The following WDR7 variants were observed in gnomAD, a reference collection of about 807,000 sequenced individuals.
WDR7 encodes WD repeat domain 7.
A neutral mutation model predicts 169.4 loss-of-function variants in WDR7; 46 were observed. The ratio of observed to expected loss-of-function variants is 0.27; its 90% CI spans 0.21 to 0.35. WDR7 has a LOEUF of 0.35. Ranked by LOEUF, WDR7 falls within the 10% of genes least tolerant of loss-of-function variation. WDR7 has a pLI of 1.00. For missense variants in WDR7, 1,534 were observed against 1,859.3 expected (o/e 0.83, Z 3.22); for synonymous variants, 612 against 666.8 (o/e 0.92, Z 1.27).
chr18:56,975,054 A>G (rs1187091613), intron 26 of WDR7, among the ~76,000 whole-genome samples: 2 of 152,122 alleles, frequency 1.3e-5, no homozygotes, highest in African/African-American at 4.8e-5. Flanking sequence ...CCTGGCTAAC[A>G]TGGTGAAACC....
At chr18:56,814,568 G>A (rs1412551834) in intron 19 of WDR7, among the ~76,000 whole-genome samples, 1 of 151,950 alleles carries the variant, frequency 6.6e-6, no homozygotes, top group Non-Finnish European at 1.5e-5. Context: ...CTAACAAAGT[G>A]CTTCTGTAAG....
intron 19 of WDR7, among the ~76,000 whole-genome samples, chr18:56,809,246 A>G (rs1214431093): frequency 1.3e-5 from 2 of 151,974 alleles, no homozygotes; most frequent in Non-Finnish European, 2.9e-5. Flanking sequence ...TTTTTATTAT[A>G]TCTCTTTACT....
intron 26 of WDR7, among the ~76,000 whole-genome samples, chr18:56,977,406 T>A (rs1293659153): frequency 6.6e-6 from 1 of 152,214 alleles, no homozygotes; most frequent in East Asian, 1.9e-4. Context: ...CTCTGATCCA[T>A]TCTGGCATCC....
chr18:56,929,105 GA>G (rs1475853616), intron 22 of WDR7, among the ~76,000 whole-genome samples: 14 of 152,012 alleles, frequency 9.2e-5, no homozygotes, highest in Admixed American at 7.2e-4. Flanking sequence ...AACATAGTGA[GA>G]ACCTGTCTCT....
chr18:56,798,585 A>T (rs1178993024), intron 19 of WDR7, among the ~76,000 whole-genome samples: 2 of 152,220 alleles, frequency 1.3e-5, no homozygotes, highest in Admixed American at 1.3e-4. Context: ...CTTTTCTCCA[A>T]TTACATTTCT....
At chr18:56,746,247 ATCTC>A (rs1328520847) in intron 14 of WDR7, among the ~76,000 whole-genome samples, 2 of 152,094 alleles carry the variant, frequency 1.3e-5, no homozygotes, top group African/African-American at 2.4e-5. Flanking sequence ...TCTTCCACTG[ATCTC>A]TCTCTTATTT....
Position 56,679,245 on chromosome 18 carries a change from TCTATTTTA to T in WDR7, c.160-82_160-75del. ...AAAATCTTAGCAGTCTACCTAGTCT[TCTATTTTA>T]CTATGGCTAAGCTGACACTCAAATA... On this transcript the variant is annotated intron_variant, in intron 2 of 27. Transcript: ENST00000254442. 3 of 1,075,066 alleles carry T rather than the reference TCTATTTTA, an allele frequency of 2.8e-6. 1 individual carries two copies. In the South Asian group the frequency reaches 4.8e-5, roughly 17 times the overall value. The allele number at this position is 1,075,066 out of a possible 1,614,324, so 66.6% of individuals were successfully genotyped here.
intron 12 of WDR7, among the ~76,000 whole-genome samples, chr18:56,712,184 G>C (rs1035323950): frequency 1.3e-5 from 2 of 152,216 alleles, no homozygotes; most frequent in Non-Finnish European, 2.9e-5. Context: ...TCCCCAGAGA[G>C]CTAGTGGATG....
At chr18:56,881,066 G>A (rs1374817330) in intron 21 of WDR7, among the ~76,000 whole-genome samples, 1 of 152,126 alleles carries the variant, frequency 6.6e-6, no homozygotes, top group Admixed American at 6.5e-5. Flanking sequence ...ATGTTACTTT[G>A]TTATTTATGA....
chr18:57,021,310 A>T (rs1417306846), intron 27 of WDR7, among the ~76,000 whole-genome samples: 1 of 152,184 alleles, frequency 6.6e-6, no homozygotes, highest in Non-Finnish European at 1.5e-5. Flanking sequence ...GCCTGGCCTG[A>T]GAGGAATCGG....
chr18:56,816,221 G>A (rs1265441422), intron 20 of WDR7, 77 bp downstream of exon 20: 19 of 1,294,000 alleles, frequency 1.5e-5, no homozygotes, highest in Non-Finnish European at 2.0e-5. Context: ...ATTTGTGGTG[G>A]GATTAAGTAT....
chr18:56,943,995 T>G (rs1191244174), intron 25 of WDR7, among the ~76,000 whole-genome samples: 1 of 137,500 alleles, frequency 7.3e-6, no homozygotes, highest in Non-Finnish European at 1.6e-5. Context: ...TTTTTTTTTT[T>G]TTTTTTTTTT....
rs2045151435 is a variant in WDR7, at chr18:56,823,949, CTG to C, written c.3304+7806_3304+7807del. Among the ~76,000 whole-genome samples, 4 of 152,270 alleles carry C rather than the reference CTG, an allele frequency of 2.6e-5. 1 individual carries two copies. In the South Asian group the frequency reaches 8.3e-4, roughly 32 times the overall value. On this transcript the variant is annotated intron_variant, in intron 20 of 27. Coordinates refer to ENST00000254442, the MANE Select transcript of WDR7 (RefSeq NM_015285.3). ...CATCCAGATCATGTCTTCCATGACTCTGAGAGTTTAAGAAGCCAGTTCATCAC... is the reference window on the plus strand; with the variant it reads ...CATCCAGATCATGTCTTCCATGACTCAGAGTTTAAGAAGCCAGTTCATCAC...
intron 21 of WDR7, among the ~76,000 whole-genome samples, chr18:56,912,165 T>G (rs1406175004): frequency 6.6e-6 from 1 of 152,108 alleles, no homozygotes; most frequent in East Asian, 1.9e-4. Flanking sequence ...TTAGGTGAGT[T>G]TTATCCCTGG....
chr18:56,771,711 A>G (rs527549842), intron 16 of WDR7, among the ~76,000 whole-genome samples: 2 of 151,924 alleles, frequency 1.3e-5, no homozygotes, highest in East Asian at 1.9e-4. Flanking sequence ...GAGAAACCCC[A>G]TCTCTACTAG....
intron 26 of WDR7, among the ~76,000 whole-genome samples, chr18:56,974,080 T>G (rs975686249): frequency 2.0e-5 from 3 of 152,212 alleles, no homozygotes; most frequent in Admixed American, 6.5e-5. Context: ...CCATTTTCTG[T>G]TTAAGTGCAC....
At chr18:56,834,694 A>G (rs1269109341) in intron 20 of WDR7, among the ~76,000 whole-genome samples, 1 of 152,026 alleles carries the variant, frequency 6.6e-6, no homozygotes, top group Non-Finnish European at 1.5e-5. Flanking sequence ...GATGGTGTAT[A>G]ATTTTGAAAT....
At chr18:56,690,974 G>A (rs765243670) in intron 7 of WDR7, among the ~76,000 whole-genome samples, 55 of 151,852 alleles carry the variant, frequency 3.6e-4, no homozygotes, top group Non-Finnish European at 6.6e-4. Context: ...GAGCACCCTC[G>A]CTCCACTTGT....
Position 56,660,156 on chromosome 18 carries a change from C to T in WDR7, c.-20+8580C>T, listed in dbSNP as rs533552659. ...TGTGTAGCTATAAAACTGGAGTTGC[C>T]AATAACTAAGATGGGTAGACTGTGG... On this transcript the variant is annotated intron_variant, in intron 1 of 27. Transcript: ENST00000254442. Among the ~76,000 whole-genome samples the T allele has an allele frequency of 2.6e-5, 4 of 152,152 alleles. No homozygotes were observed. The South Asian group carries it at 8.3e-4, about 32-fold the overall frequency.
Sources: allele counts gnomAD v4.1 joint callset (sites outside exome capture counted in the v4.1 genomes callset), GRCh38; gene constraint gnomAD v4.1.1; transcripts MANE v1.5; gene names NCBI Gene and HGNC (gene_info 2026-07-23, HGNC 2026-07-21).